Variants in FRS2 observed in about 807,000 individuals in gnomAD.
FRS2 encodes fibroblast growth factor receptor substrate 2.
In FRS2, 8 loss-of-function variants were observed where a neutral mutation model predicts 43.9. The ratio of observed to expected loss-of-function variants is 0.18; its 90% confidence interval spans 0.11 to 0.33. FRS2 has a LOEUF of 0.33. Among genes scored for constraint, FRS2 ranks in the 10% least tolerant of loss-of-function variants. The probability of loss-of-function intolerance (pLI) is 1.00; values close to 1 mark genes in which losing one functional copy is unlikely to be tolerated. For synonymous variants in FRS2, 219 were observed against 220.3 expected (o/e 0.99, Z 0.05); for missense variants, 534 against 627.6 (o/e 0.85, Z 1.59).
intron 3 of FRS2, among the ~76,000 whole-genome samples, chr12:69,543,129 A>G (rs554944599): frequency 7.2e-5 from 11 of 152,358 alleles, no homozygotes; most frequent in South Asian, 6.2e-4. Context: ...GTGATACTGT[A>G]TCTTAAATTC....
At chr12:69,524,121 G>A (rs1250259090) in intron 1 of FRS2, among the ~76,000 whole-genome samples, 1 of 152,192 alleles carries the variant, frequency 6.6e-6, no homozygotes, top group East Asian at 1.9e-4. Flanking sequence ...GCACTCATGG[G>A]GGCAGTCTGC....
chr12:69,563,815 G>C (rs115474433), intron 4 of FRS2, among the ~76,000 whole-genome samples: 2,852 of 151,956 alleles, frequency 0.019, 91 homozygotes, highest in African/African-American at 0.064. Flanking sequence ...TTCTATATTC[G>C]ACCCACCCTT....
At chr12:69,539,121 C>T (rs1273736850) in intron 3 of FRS2, among the ~76,000 whole-genome samples, 2 of 152,188 alleles carry the variant, frequency 1.3e-5, no homozygotes, top group African/African-American at 4.8e-5. Context: ...GTTGCCCAGG[C>T]TGGAGTGCAG....
rs749355769 is a variant in FRS2 at position 69,574,031 on chromosome 12, T to C, written c.603T>C (p.Gly201=). 2.1e-5 allele frequency: 34 copies of C among 1,613,220 alleles called. No homozygotes were observed. In the African/African-American group the frequency reaches 3.2e-4, roughly 15 times the overall value. Residue 201 remains glycine (G), a synonymous_variant, in exon 9 of 9, where the codon GGT becomes GGC. Coordinates refer to ENST00000549921, the MANE Select transcript of FRS2 (RefSeq NM_001278356.2). ...EQVHTYVNTT[G]VQEERKNRTS... ...TACATACCTATGTCAACACTACAGGTGTGCAAGAAGAGCGGAAAAACCGCA... is the reference window on the plus strand; with the variant it reads ...TACATACCTATGTCAACACTACAGGCGTGCAAGAAGAGCGGAAAAACCGCA...
At chr12:69,477,562 G>A (rs1028286236) in intron 1 of FRS2, among the ~76,000 whole-genome samples, 6 of 151,426 alleles carry the variant, frequency 4.0e-5, no homozygotes, top group Non-Finnish European at 7.4e-5. Context: ...GATTACAGGC[G>A]TGAGCCACCG....
At chr12:69,506,074 T>TTGTC (rs1873902125) in intron 1 of FRS2, among the ~76,000 whole-genome samples, 1 of 152,202 alleles carries the variant, frequency 6.6e-6, no homozygotes, top group South Asian at 2.1e-4. Flanking sequence ...GACAGTAAAG[T>TTGTC]TGTCTTTGGA....
chr12:69,485,134 C>CACACACACACATAT (rs1194988609), intron 1 of FRS2, among the ~76,000 whole-genome samples: 4 of 134,352 alleles, frequency 3.0e-5, no homozygotes, highest in African/African-American at 1.2e-4. Context: ...CACACACACA[C>CACACACACACATAT]ACTCTCACCC....
At chr12:69,532,418 T>C (rs1325764743) in intron 3 of FRS2, among the ~76,000 whole-genome samples, 2 of 152,076 alleles carry the variant, frequency 1.3e-5, no homozygotes, top group Non-Finnish European at 2.9e-5. Context: ...GAGTAGAGGG[T>C]TCATAGGAGC....
intron 3 of FRS2, among the ~76,000 whole-genome samples, chr12:69,536,918 A>G (rs1877374955): frequency 1.3e-5 from 2 of 151,866 alleles, no homozygotes; most frequent in African/African-American, 2.4e-5. Context: ...TATTTATCCA[A>G]TTCTTCCTCT....
chr12:69,494,795 T>C (rs761774706), intron 1 of FRS2, among the ~76,000 whole-genome samples: 18 of 152,112 alleles, frequency 1.2e-4, no homozygotes, highest in Non-Finnish European at 2.4e-4. Context: ...GTTTTCGAGA[T>C]GGAGTTTTGC....
intron 1 of FRS2, among the ~76,000 whole-genome samples, chr12:69,527,466 G>A (rs887282047): frequency 2.7e-5 from 4 of 148,258 alleles, no homozygotes; most frequent in South Asian, 2.2e-4. Context: ...TTCTTGTTGC[G>A]GGTCACCATG....
At chr12:69,556,553 T>C (rs1879374526) in intron 3 of FRS2, among the ~76,000 whole-genome samples, 1 of 152,132 alleles carries the variant, frequency 6.6e-6, no homozygotes, top group African/African-American at 2.4e-5. Flanking sequence ...CTTGAACTTC[T>C]GACCTCAAGT....
intron 3 of FRS2, among the ~76,000 whole-genome samples, chr12:69,545,140 A>G (rs764563607): frequency 2.0e-4 from 30 of 152,326 alleles, no homozygotes; most frequent in Admixed American, 8.5e-4. Flanking sequence ...TTGCTCAAAG[A>G]AATTAAATAA....
chr12:69,544,738 A>G (rs555504034), intron 3 of FRS2, among the ~76,000 whole-genome samples: 59 of 152,190 alleles, frequency 3.9e-4, no homozygotes, highest in African/African-American at 1.4e-3. Context: ...AATAAATAAA[A>G]GGAAACTATT....
intron 3 of FRS2, chr12:69,537,792 A>G (rs1877454668): frequency 6.6e-6 from 1 of 151,954 alleles, no homozygotes; most frequent in African/African-American, 2.4e-5. Flanking sequence ...AATGCCTCTT[A>G]TTTTCTCCTT....
At chr12:69,520,186 G>A (rs1388058425) in intron 1 of FRS2, among the ~76,000 whole-genome samples, 2 of 151,650 alleles carry the variant, frequency 1.3e-5, no homozygotes, top group African/African-American at 4.8e-5. Context: ...TCATATGCTT[G>A]TTGGCCACGT....
rs545082264 is a variant in FRS2 at position 69,492,691 on chromosome 12, A to G, written c.-261+22161A>G. ...GATTTTTTTTAGGGATGCTCTAACT[A>G]TTCTTCCCTGACGTGAAAACATACA... On this transcript the variant is annotated intron_variant, in intron 1 of 8. Transcript: ENST00000549921. 2.9e-4 allele frequency among the ~76,000 whole-genome samples: 44 copies of G among 152,278 alleles called. 1 individual carries two copies. The highest frequency in any genetic ancestry group is 3.4e-3 in the Middle Eastern group (1 of 294).
At chr12:69,500,508 CAA>C (rs1019110622) in intron 1 of FRS2, among the ~76,000 whole-genome samples, 10 of 152,048 alleles carry the variant, frequency 6.6e-5, no homozygotes, top group Non-Finnish European at 1.5e-4. Context: ...AGGTGCCTAA[CAA>C]TGATGAAGAA....
At chr12:69,471,861 G>T (rs2120544417) in intron 1 of FRS2, among the ~76,000 whole-genome samples, 1 of 150,876 alleles carries the variant, frequency 6.6e-6, no homozygotes, top group Middle Eastern at 3.4e-3. Flanking sequence ...TAGTTTTTTG[G>T]GTACTTATGT....
Sources: allele counts gnomAD v4.1 joint callset (sites outside exome capture counted in the v4.1 genomes callset), GRCh38; gene constraint gnomAD v4.1.1; transcripts MANE v1.5; gene names NCBI Gene and HGNC (gene_info 2026-07-23, HGNC 2026-07-21).